Variants in DCAF8L2 observed in about 807,000 individuals in gnomAD.
DCAF8L2 encodes the protein DDB1 and CUL4 associated factor 8 like 2, also known as DDB1- and CUL4-associated factor 8-like protein 2.
For synonymous variants in DCAF8L2, 200 were observed against 190.9 expected (o/e 1.05, Z -0.39); for missense variants, 430 against 490.7 (o/e 0.88, Z 1.17).
chrX:27,503,903 A>G, the DCAF8L2 span, among the ~76,000 whole-genome samples: 1 of 112,228 alleles, frequency 8.9e-6, no homozygotes, highest in African/African-American at 3.2e-5. Context: ...AAAAGAGAAA[A>G]TGTAATTTAT....
intron 2 of DCAF8L2, among the ~76,000 whole-genome samples, chrX:27,676,321 T>G (rs1255964251): frequency 2.7e-5 from 3 of 111,873 alleles, no homozygotes; most frequent in Non-Finnish European, 5.6e-5. Context: ...CACTATAGTC[T>G]TGAATAGCAA....
intron 3 of DCAF8L2, among the ~76,000 whole-genome samples, chrX:27,687,188 G>T (rs754718677): frequency 3.6e-5 from 4 of 112,060 alleles, no homozygotes; most frequent in Non-Finnish European, 7.5e-5. Flanking sequence ...CTATACATAT[G>T]TATCAATTAT....
At chrX:27,510,097 A>G in the DCAF8L2 span, among the ~76,000 whole-genome samples, 2 of 111,434 alleles carry the variant, frequency 1.8e-5, no homozygotes, top group Admixed American at 1.9e-4. Flanking sequence ...GAATATTTTG[A>G]CTTGTTAATG....
the DCAF8L2 span, among the ~76,000 whole-genome samples, chrX:27,553,543 A>G: frequency 9.0e-6 from 1 of 110,732 alleles, no homozygotes; most frequent in Non-Finnish European, 1.9e-5. Context: ...TTGATGACTT[A>G]CTGTTTATCT....
At chrX:27,579,374 A>G in the DCAF8L2 span, among the ~76,000 whole-genome samples, 1 of 110,141 alleles carries the variant, frequency 9.1e-6, no homozygotes, top group Non-Finnish European at 1.9e-5. Context: ...ACATTAACAC[A>G]GGGAGGGAAA....
At chrX:27,664,040 G>T (rs1041650889) in intron 2 of DCAF8L2, among the ~76,000 whole-genome samples, 1 of 109,041 alleles carries the variant, frequency 9.2e-6, no homozygotes, top group Non-Finnish European at 1.9e-5. Context: ...CCCTACAATG[G>T]CCTCTAAGTG....
the DCAF8L2 span, among the ~76,000 whole-genome samples, chrX:27,524,335 C>T: frequency 3.6e-5 from 4 of 112,016 alleles, no homozygotes; most frequent in East Asian, 5.6e-4. Flanking sequence ...TTATAGTATT[C>T]TCTGATGGTA....
At chrX:27,511,451 G>C in the DCAF8L2 span, among the ~76,000 whole-genome samples, 2 of 111,463 alleles carry the variant, frequency 1.8e-5, no homozygotes, top group Non-Finnish European at 3.8e-5. Flanking sequence ...TAAAATCTTA[G>C]TTATCACTTA....
At chrX:27,615,524 AATCTATCT>A (rs368679663) in intron 1 of DCAF8L2, among the ~76,000 whole-genome samples, 2 of 104,429 alleles carry the variant, frequency 1.9e-5, no homozygotes, top group Non-Finnish European at 3.9e-5. Flanking sequence ...AGATTCTATC[AATCTATCT>A]ATCTATCTAT....
the DCAF8L2 span, chrX:27,519,670 G>A: frequency 3.3e-6 from 2 of 603,393 alleles, no homozygotes; most frequent in Non-Finnish European, 5.9e-6. Flanking sequence ...CCATAGAAGC[G>A]AGGAAGAACG....
the DCAF8L2 span, among the ~76,000 whole-genome samples, chrX:27,469,846 G>A: frequency 1.9e-5 from 2 of 106,900 alleles, no homozygotes; most frequent in Non-Finnish European, 3.8e-5. Flanking sequence ...TCGGCTTACT[G>A]CAACCTCCGC....
chrX:27,682,436 T>C (rs187861033), intron 3 of DCAF8L2, among the ~76,000 whole-genome samples: 11 of 112,014 alleles, frequency 9.8e-5, no homozygotes, highest in African/African-American at 3.6e-4. Context: ...GAAAGCAAAA[T>C]ACAATAATTT....
At chrX:27,570,371 G>A in the DCAF8L2 span, among the ~76,000 whole-genome samples, 1 of 111,519 alleles carries the variant, frequency 9.0e-6, no homozygotes, top group Non-Finnish European at 1.9e-5. Context: ...ATTGAGTGAG[G>A]AGAGGTTTGG....
At chrX:27,694,213 G>A (rs773275536) in intron 3 of DCAF8L2, among the ~76,000 whole-genome samples, 1 of 110,783 alleles carries the variant, frequency 9.0e-6, no homozygotes, top group South Asian at 3.9e-4. Flanking sequence ...CCACTAGATG[G>A]GGGAAGGCAG....
intron 1 of DCAF8L2, among the ~76,000 whole-genome samples, chrX:27,611,184 C>A (rs1415982978): frequency 9.0e-6 from 1 of 110,994 alleles, no homozygotes; most frequent in African/African-American, 3.3e-5. Flanking sequence ...TACAGGTACA[C>A]TACGGGGATG....
chrX:27,719,472 C>G (rs1391601042), intron 4 of DCAF8L2, among the ~76,000 whole-genome samples: 1 of 81,618 alleles, frequency 1.2e-5, no homozygotes, highest in Non-Finnish European at 2.2e-5. Flanking sequence ...TTTTTTGAGA[C>G]GGAGTCTTGC....
chrX:27,549,783 C>T, the DCAF8L2 span, among the ~76,000 whole-genome samples: 3 of 111,590 alleles, frequency 2.7e-5, no homozygotes, highest in African/African-American at 9.8e-5. Flanking sequence ...AACCAAGGCA[C>T]TCATTCCCCC....
the DCAF8L2 span, among the ~76,000 whole-genome samples, chrX:27,497,667 C>T: frequency 9.1e-6 from 1 of 110,189 alleles, no homozygotes; most frequent in Non-Finnish European, 1.9e-5. Flanking sequence ...CTCCTGGGTT[C>T]AAGCGATTCT....
At chrX:27,557,898 G>A in the DCAF8L2 span, among the ~76,000 whole-genome samples, 1 of 111,161 alleles carries the variant, frequency 9.0e-6, no homozygotes, top group Non-Finnish European at 1.9e-5. Context: ...AATTCCAGTG[G>A]CCATCTCTAA....
Sources: allele counts gnomAD v4.1 joint callset (sites outside exome capture counted in the v4.1 genomes callset), GRCh38; gene constraint gnomAD v4.1.1; transcripts MANE v1.5; gene names NCBI Gene and HGNC (gene_info 2026-07-23, HGNC 2026-07-21).